Variants in DCDC1 observed in about 807,000 individuals in gnomAD.
The protein encoded by DCDC1 is doublecortin domain containing 1.
DCDC1 carries 200 observed loss-of-function variants against 178.3 expected under a neutral mutation model. The observed-to-expected ratio is 1.12, with a 90% CI of 1.00 to 1.26. The LOEUF is 1.26. DCDC1 is among the 50% of genes most tolerant of loss of function. The probability of loss-of-function intolerance (pLI) is 0.00; values close to 1 mark genes in which losing one functional copy is unlikely to be tolerated. For synonymous variants in DCDC1, 690 were observed against 604.8 expected (o/e 1.14, Z -2.07); for missense variants, 1,983 against 1,749.2 (o/e 1.13, Z -2.38).
chr11:31,138,090 C>A (rs1012593275), intron 9 of DCDC1, among the ~76,000 whole-genome samples: 2 of 105,714 alleles, frequency 1.9e-5, no homozygotes, highest in Non-Finnish European at 4.4e-5. Flanking sequence ...ATGGACACAG[C>A]AACTTTTTAA....
intron 28 of DCDC1, among the ~76,000 whole-genome samples, chr11:30,910,623 C>G (rs1945375266): frequency 6.6e-6 from 1 of 152,056 alleles, no homozygotes; most frequent in Non-Finnish European, 1.5e-5. Flanking sequence ...ACATGCAAAG[C>G]AGGAATGCCT....
At chr11:31,187,646 C>CAGTATAAAAT (rs1250233237) in intron 9 of DCDC1, among the ~76,000 whole-genome samples, 79 of 152,248 alleles carry the variant, frequency 5.2e-4, no homozygotes, top group African/African-American at 1.9e-3. Context: ...CTTCACATAG[C>CAGTATAAAAT]AGTATAAAAT....
chr11:31,307,992 G>A (rs1948565215), intron 3 of DCDC1, 84 bp from the exon 4 acceptor site: 1 of 1,538,728 alleles, frequency 6.5e-7, no homozygotes. Context: ...CGAGTTGTGT[G>A]CTATGTGCTA....
chr11:30,981,144 C>T (rs540586686), intron 20 of DCDC1, among the ~76,000 whole-genome samples: 1 of 151,958 alleles, frequency 6.6e-6, no homozygotes, highest in Non-Finnish European at 1.5e-5. Flanking sequence ...ACAATGGGTA[C>T]CATGGACCCA....
At chr11:30,996,085 T>C (rs948271831) in intron 20 of DCDC1, among the ~76,000 whole-genome samples, 2 of 152,036 alleles carry the variant, frequency 1.3e-5, no homozygotes, top group African/African-American at 2.4e-5. Context: ...AACAACCCAA[T>C]TTTAAAAAGG....
At chr11:31,021,880 G>C (rs1590788599) in intron 20 of DCDC1, among the ~76,000 whole-genome samples, 1 of 152,094 alleles carries the variant, frequency 6.6e-6, no homozygotes, top group Non-Finnish European at 1.5e-5. Context: ...TTATATAAGT[G>C]AGAGCATAAA....
chr11:31,085,035 A>C (rs1010551106), intron 17 of DCDC1, among the ~76,000 whole-genome samples: 1 of 151,616 alleles, frequency 6.6e-6, no homozygotes, highest in Non-Finnish European at 1.5e-5. Context: ...ATAACTTTCC[A>C]ATCACCTGCC....
intron 18 of DCDC1, among the ~76,000 whole-genome samples, chr11:31,073,777 T>C (rs1956706591): frequency 6.6e-6 from 1 of 152,194 alleles, no homozygotes. Flanking sequence ...AATTCCCTTC[T>C]ATGAACAGAA....
intron 20 of DCDC1, among the ~76,000 whole-genome samples, chr11:31,011,342 A>G (rs960975378): frequency 2.0e-5 from 3 of 152,208 alleles, no homozygotes; most frequent in African/African-American, 7.2e-5. Flanking sequence ...TTAACAAAAG[A>G]TACAAAAACA....
intron 1 of DCDC1, among the ~76,000 whole-genome samples, chr11:31,341,382 T>TATAGATAGATAG (rs10552471): frequency 3.6e-4 from 49 of 134,790 alleles, no homozygotes; most frequent in South Asian, 4.9e-4. Flanking sequence ...ATTCCAGTTT[T>TATAGATAGATAG]ATAGATAGAT....
chr11:31,056,090 G>A (rs1240932554), intron 20 of DCDC1, among the ~76,000 whole-genome samples: 1 of 152,076 alleles, frequency 6.6e-6, no homozygotes, highest in Admixed American at 6.6e-5. Context: ...AGAGTTCCAA[G>A]GTTCTTGAAT....
intron 7 of DCDC1, chr11:31,281,020 C>G (rs1036994428): frequency 5.5e-6 from 3 of 546,748 alleles, no homozygotes. Flanking sequence ...AACGAAGGTT[C>G]CCGCTCTGAA....
intron 6 of DCDC1, among the ~76,000 whole-genome samples, chr11:31,297,215 C>G (rs929285920): frequency 4.6e-5 from 7 of 152,084 alleles, no homozygotes; most frequent in African/African-American, 7.2e-5. Context: ...AGGCTATTCT[C>G]AAAGGCTGGG....
intron 9 of DCDC1, among the ~76,000 whole-genome samples, chr11:31,164,735 T>C (rs1234670838): frequency 6.6e-6 from 1 of 152,136 alleles, no homozygotes; most frequent in Non-Finnish European, 1.5e-5. Flanking sequence ...AAGGTAATTA[T>C]TAAAGATATA....
chr11:31,212,310 A>C (rs2554053), intron 9 of DCDC1, among the ~76,000 whole-genome samples: 106,138 of 151,734 alleles, frequency 0.7, 38,238 homozygotes, highest in East Asian at 0.96. Flanking sequence ...ATTAAAAAAA[A>C]CAAGAAACTA....
At chr11:31,085,698 C>CATTG (rs58403602) in intron 17 of DCDC1, among the ~76,000 whole-genome samples, 2,287 of 149,722 alleles carry the variant, frequency 0.015, 62 homozygotes, top group African/African-American at 0.053. Flanking sequence ...CTGCTAAGAA[C>CATTG]ATTGATTGAT....
chr11:31,144,697 T>C (rs917780536), intron 9 of DCDC1, among the ~76,000 whole-genome samples: 4 of 152,186 alleles, frequency 2.6e-5, no homozygotes, highest in Non-Finnish European at 2.9e-5. Context: ...TTTTGCTATA[T>C]GTATTTTTTC....
chr11:31,103,812 C>A, intron 13 of DCDC1, 43 bp from the exon 14 acceptor site: 1 of 749,688 alleles, frequency 1.3e-6, no homozygotes, highest in Non-Finnish European at 2.4e-6. Context: ...CAAAATTAGA[C>A]ATACATTGTA....
At chr11:30,905,914 A>T (rs1945027969) in intron 30 of DCDC1, among the ~76,000 whole-genome samples, 1 of 152,224 alleles carries the variant, frequency 6.6e-6, no homozygotes, top group Admixed American at 6.5e-5. Context: ...AGAGCACACC[A>T]GACTGGAAGA....
Sources: allele counts gnomAD v4.1 joint callset (sites outside exome capture counted in the v4.1 genomes callset), GRCh38; gene constraint gnomAD v4.1.1; transcripts MANE v1.5; gene names NCBI Gene and HGNC (gene_info 2026-07-23, HGNC 2026-07-21).